The following WDR4 variants were observed in gnomAD, a reference collection of about 807,000 sequenced individuals.
WDR4 encodes WDR4 tRNA N7-guanosine methyltransferase non-catalytic subunit.
WDR4 carries 47 observed loss-of-function variants against 48.6 expected under a neutral mutation model. That is an observed-to-expected ratio of 0.97 (90% CI 0.77 to 1.23). WDR4 has a LOEUF of 1.23. Among genes scored for constraint, WDR4 ranks in the 50% most tolerant of loss-of-function variants. The probability of loss-of-function intolerance (pLI) is 0.00; values close to 1 mark genes in which losing one functional copy is unlikely to be tolerated. For missense variants in WDR4, 606 were observed against 551.6 expected (o/e 1.10, Z -0.99); for synonymous variants, 268 against 230.0 (o/e 1.17, Z -1.49).
At chr21:42,889,182 C>T in the WDR4 span, among the ~76,000 whole-genome samples, 11 of 151,840 alleles carry the variant, frequency 7.2e-5, no homozygotes, top group African/African-American at 2.4e-4. Context: ...GGGGTTTCAC[C>T]ATGTTGGCCA....
At position 42,853,746 on chromosome 21, in the gene WDR4, AG is replaced by A; in HGVS notation, c.797del (p.Pro266LeufsTer68). On this transcript the variant is annotated frameshift_variant, in exon 9 of 11. Coordinates refer to ENST00000398208, the MANE Select transcript of WDR4 (RefSeq NM_018669.6). LOFTEE classifies it high-confidence loss of function. ...NCVALLCDGTPVVYIFQLDAR... is the reference protein window; with the variant it reads ...NCVALLCDGTXVVYIFQLDAR... Reference sequence around the variant, plus strand: ...CGTCCAGCTGGAAGATGTAGACCACAGGAGTGCTTGCCACGAAGAAAGAGAG... The same window carrying A: ...CGTCCAGCTGGAAGATGTAGACCACAGAGTGCTTGCCACGAAGAAAGAGAG... The A allele has an allele frequency of 6.4e-7, 1 of 1,555,804 alleles. No homozygotes were observed. The highest frequency in any genetic ancestry group is 8.7e-7 in the Non-Finnish European group (1 of 1,149,668).
intron 2 of WDR4, among the ~76,000 whole-genome samples, chr21:42,875,044 C>G (rs1451213723): frequency 6.6e-6 from 1 of 152,156 alleles, no homozygotes; most frequent in Non-Finnish European, 1.5e-5. Context: ...TAAAATTTCT[C>G]TCTTTTGTAC....
intron 2 of WDR4, among the ~76,000 whole-genome samples, chr21:42,875,428 G>A (rs985338245): frequency 1.3e-5 from 2 of 152,136 alleles, no homozygotes; most frequent in African/African-American, 4.8e-5. Context: ...GGTGGTGCGT[G>A]CCTGTAGTCC....
intron 3 of WDR4, among the ~76,000 whole-genome samples, chr21:42,868,289 T>C (rs891646718): frequency 6.6e-6 from 1 of 152,068 alleles, no homozygotes; most frequent in Admixed American, 6.5e-5. Flanking sequence ...ATCCCCTCTC[T>C]CCCAAGTTCA....
chr21:42,852,915 CA>C (rs56058858), intron 9 of WDR4, among the ~76,000 whole-genome samples: 116 of 135,302 alleles, frequency 8.6e-4, no homozygotes, highest in Admixed American at 1.1e-3. Flanking sequence ...AACTCCGTCT[CA>C]AAAAAAAAAA....
chr21:42,865,550 C>T (rs1019067233), intron 3 of WDR4, among the ~76,000 whole-genome samples: 1 of 152,146 alleles, frequency 6.6e-6, no homozygotes, highest in Admixed American at 6.5e-5. Context: ...CTGCCCCAGC[C>T]GGAGGCTCCC....
rs768274688 is a variant in WDR4, at chr21:42,850,062, G to A, written c.1226C>T (p.Thr409Met). ...HAKKMRPGEA[T>M]LSC ...TGACCGCCACGATCAGCAACTTAGC[G>A]TCGCCTCCCCCGGTCTCATCTTCTT... Residue 409 changes from threonine to methionine, a missense_variant, in exon 11 of 11, where the codon ACG (threonine) becomes ATG (methionine). Transcript: ENST00000398208. The A allele has an allele frequency of 2.4e-5, 38 of 1,613,700 alleles. 1 individual carries two copies. The highest frequency in any genetic ancestry group is 1.9e-4 in the South Asian group (17 of 91,052).
intron 3 of WDR4, among the ~76,000 whole-genome samples, chr21:42,866,438 CAG>C (rs1280342549): frequency 6.6e-6 from 1 of 152,194 alleles, no homozygotes; most frequent in African/African-American, 2.4e-5. Flanking sequence ...CAGTGAAATG[CAG>C]AGAGGCTAGG....
upstream of WDR4, among the ~76,000 whole-genome samples, chr21:42,880,480 G>C (rs546598633): frequency 9.0e-4 from 137 of 152,162 alleles, 1 homozygote; most frequent in African/African-American, 3.2e-3. Flanking sequence ...TGGTGAGCCG[G>C]GACCAGATAA....
chr21:42,862,958 G>A lies in WDR4; in HGVS notation c.453+482C>T, dbSNP rs930802159. On this transcript the variant is annotated intron_variant, in intron 4 of 10. Coordinates refer to ENST00000398208, the MANE Select transcript of WDR4 (RefSeq NM_018669.6). This position sits in a 1 kb window ranked among gnomAD's most constrained non-coding sequence, Gnocchi z 4.3. Reference sequence around the variant, plus strand: ...ACACACGGGGCACACAGAGTGGGGTGACAGGGGCTGCTGGGAGCAGTGCTG... The same window carrying A: ...ACACACGGGGCACACAGAGTGGGGTAACAGGGGCTGCTGGGAGCAGTGCTG... Among the ~76,000 whole-genome samples the A allele has an allele frequency of 6.6e-6, 1 of 152,208 alleles. No individual in the cohort carries two copies. Among genetic ancestry groups the A allele is most frequent in the Non-Finnish European group, 1.5e-5 (1 of 68,028 alleles).
At chr21:42,848,828 C>T (rs1456509041), downstream of WDR4, among the ~76,000 whole-genome samples, 1 of 68,174 alleles carries the variant, frequency 1.5e-5, no homozygotes, top group African/African-American at 9.6e-5. Context: ...GATCACGCGG[C>T]GCGCACCTCA....
chr21:42,843,346 C>T (rs1332751226), intron 11 of WDR4: 1 of 150,298 alleles, frequency 6.7e-6, no homozygotes, highest in Non-Finnish European at 1.5e-5. Context: ...GCTCCATATG[C>T]TCGAGGGTAT....
chr21:42,865,579 T>A (rs1278443103), intron 3 of WDR4, among the ~76,000 whole-genome samples: 1 of 152,190 alleles, frequency 6.6e-6, no homozygotes, highest in Non-Finnish European at 1.5e-5. Flanking sequence ...CAGCTGGGCT[T>A]ATCCTGGCAC....
downstream of WDR4, among the ~76,000 whole-genome samples, chr21:42,845,440 G>A (rs763054597): frequency 6.6e-6 from 1 of 152,252 alleles, no homozygotes; most frequent in Admixed American, 6.5e-5. Flanking sequence ...GCTGCTGGCA[G>A]GAGGCCTCAG....
chr21:42,854,642 G>A lies in WDR4; in HGVS notation c.727-16C>T. 6.2e-7 allele frequency: 1 copy of A among 1,612,402 alleles called. No homozygotes were observed. Among genetic ancestry groups the A allele is most frequent in the Non-Finnish European group, 8.5e-7 (1 of 1,179,366 alleles). Reference sequence around the variant, plus strand: ...CGGCAAACTTCTAAAAGGAGAAGAAGCCCATTAACTTCACGCCACCTGCAG... The same window carrying A: ...CGGCAAACTTCTAAAAGGAGAAGAAACCCATTAACTTCACGCCACCTGCAG... On this transcript the variant is annotated splice_polypyrimidine_tract_variant and intron_variant, in intron 7 of 10. Transcript: ENST00000398208.
At chr21:42,891,662 G>GA in the WDR4 span, among the ~76,000 whole-genome samples, 18 of 149,458 alleles carry the variant, frequency 1.2e-4, no homozygotes, top group East Asian at 2.6e-3. Flanking sequence ...TAGTGGTGAA[G>GA]AAAAAAAAAA....
chr21:42,872,541 GC>G (rs2058394028), intron 3 of WDR4, among the ~76,000 whole-genome samples: 1 of 151,438 alleles, frequency 6.6e-6, no homozygotes, highest in Non-Finnish European at 1.5e-5. Flanking sequence ...AAACTGGGAG[GC>G]GGAGGCTGTA....
At chr21:42,886,026 G>A in the WDR4 span, among the ~76,000 whole-genome samples, 6 of 146,878 alleles carry the variant, frequency 4.1e-5, no homozygotes, top group South Asian at 8.5e-4. Flanking sequence ...GCATCATCTC[G>A]GCTCACTGCA....
chr21:42,867,392 CCAAA>C (rs2058271465), intron 3 of WDR4, among the ~76,000 whole-genome samples: 1 of 64,942 alleles, frequency 1.5e-5, no homozygotes. Context: ...CTCCGCTCCA[CCAAA>C]AAAAAAAAAA....
Sources: gnomAD v4.1 joint callset for allele counts (sites outside exome capture counted in the v4.1 genomes callset) on GRCh38, gnomAD v4.1.1 for gene constraint, Gnocchi (gnomAD v3.1) non-coding constraint, MANE v1.5 for transcripts, NCBI Gene and HGNC (gene_info 2026-07-23, HGNC 2026-07-21) for gene names.